ZNF473: variants seen among roughly 807,000 people sequenced by gnomAD.
The protein encoded by ZNF473 is zinc finger protein 473, also known as zinc finger protein 100 homolog.
ZNF473 carries 4 observed loss-of-function variants against 11.1 expected under a neutral mutation model. That is an observed-to-expected ratio of 0.36 (90% CI 0.18 to 0.82). ZNF473 has a LOEUF of 0.82. Among genes scored for constraint, ZNF473 ranks in the 40% least tolerant of loss-of-function variants. ZNF473 has a pLI of 0.49. For missense variants in ZNF473, 854 were observed against 1,084.0 expected (o/e 0.79, Z 2.98); for synonymous variants, 404 against 390.4 (o/e 1.03, Z -0.41).
intron 4 of ZNF473, chr19:50,042,385 A>G (rs1978824259): frequency 6.6e-6 from 1 of 152,342 alleles, no homozygotes; most frequent in African/African-American, 2.4e-5. Flanking sequence ...CGTCCCCAGC[A>G]TGAGAAGCAG....
Position 50,044,855 on chromosome 19 carries a change from GC to G in ZNF473, c.414del (p.Thr139ProfsTer14), listed in dbSNP as rs761884660. On this transcript the variant is annotated frameshift_variant, in exon 5 of 5. Coordinates refer to ENST00000270617, the MANE Select transcript of ZNF473 (RefSeq NM_015428.4). LOFTEE classifies it low-confidence loss of function (END_TRUNC). ...DPESLLRSDI[A>X]TNGESPTECK... ...AGAAAGTCTTCTGAGGTCTGATATT[GC>G]CACCAACGGGGAAAGTCCCACGGAA... 5.6e-6 allele frequency: 9 copies of G among 1,614,242 alleles called. No individual in the cohort carries two copies. The South Asian group carries it at 9.9e-5, about 18-fold the overall frequency.
rs746951293 is a variant in ZNF473, at chr19:50,046,667, A to G, written c.2224A>G (p.Ser742Gly). The change falls in exon 5 of 5, where the codon AGT becomes GGT. Residue 742 changes from serine (S) to glycine (G), a missense_variant. By Grantham distance (56) the Ser-to-Gly change is moderately conservative (BLOSUM62 0). Coordinates refer to ENST00000270617, the MANE Select transcript of ZNF473 (RefSeq NM_015428.4). The surrounding 1 kb of genome is among the most constrained non-coding windows in gnomAD (Gnocchi z 5.9). ...CDYCGKAFGL[S>G]AELVRHQRIH... ...TTACTGCGGGAAGGCCTTCGGCCTGAGTGCTGAGCTTGTCCGCCACCAGAG... is the reference window on the plus strand; with the variant it reads ...TTACTGCGGGAAGGCCTTCGGCCTGGGTGCTGAGCTTGTCCGCCACCAGAG... 1 of 1,614,236 alleles carries G rather than the reference A, an allele frequency of 6.2e-7. No homozygotes were observed. Among genetic ancestry groups the G allele is most frequent in the Non-Finnish European group, 8.5e-7 (1 of 1,180,036 alleles).
intron 2 of ZNF473, among the ~76,000 whole-genome samples, chr19:50,036,281 A>G (rs1428356477): frequency 6.7e-6 from 1 of 149,648 alleles, no homozygotes; most frequent in Non-Finnish European, 1.5e-5. Flanking sequence ...CTTGAAATTT[A>G]ATCCCTAATG....
Position 50,041,594 on chromosome 19 carries a change from G to A in ZNF473, c.137-136G>A, listed in dbSNP as rs1453857288. 8.8e-6 allele frequency: 6 copies of A among 680,994 alleles called. No individual in the cohort carries two copies. The African/African-American group carries it at 9.4e-5, about 11-fold the overall frequency. The allele number at this position is 680,994 out of a possible 1,614,324, so 42.2% of individuals were successfully genotyped here. Reference sequence around the variant, plus strand: ...ACAGGCATCCCCAGAGTCGCCCAGTGCAGCACCTCGTCCACACACAGGAGC... The same window carrying A: ...ACAGGCATCCCCAGAGTCGCCCAGTACAGCACCTCGTCCACACACAGGAGC... On this transcript the variant is annotated intron_variant, in intron 3 of 4. Transcript: ENST00000270617.
chr19:50,036,480 AT>A (rs34005330), intron 2 of ZNF473, among the ~76,000 whole-genome samples: 27,154 of 131,398 alleles, frequency 0.21, 2,624 homozygotes, highest in East Asian at 0.41. Flanking sequence ...TGCCCAGCTA[AT>A]TTTTTTTTTT....
At position 50,043,460 on chromosome 19, in the gene ZNF473, T is replaced by A. The variant is rs1281667193; in HGVS notation, c.227-1210T>A. The stretch of plus-strand genomic sequence containing the variant: ...AAAAAAAAAAAAAAATATATATATA[T>A]ATATATATATATATAGTCAGAGGGG... On this transcript the variant is annotated intron_variant, in intron 4 of 4. Coordinates refer to ENST00000270617, the MANE Select transcript of ZNF473 (RefSeq NM_015428.4). 1.0e-4 allele frequency: 15 copies of A among 143,240 alleles called. No homozygotes were observed. The East Asian group carries it at 1.4e-3, about 14-fold the overall frequency. 8.9% of individuals were successfully genotyped at this position (143,240 alleles called of 1,614,324 possible).
intron 3 of ZNF473, 114 bp from the exon 4 acceptor site, chr19:50,041,613 CAGG>C (rs1978771299): frequency 1.2e-6 from 1 of 856,292 alleles, no homozygotes. Context: ...CGTCCACACA[CAGG>C]AGCCACGTGC....
At chr19:50,043,630 G>GA (rs1978911685) in intron 4 of ZNF473, among the ~76,000 whole-genome samples, 1 of 151,918 alleles carries the variant, frequency 6.6e-6, no homozygotes, top group South Asian at 2.1e-4. Flanking sequence ...TCTGTCCTGT[G>GA]AATCTTTCTC....
Position 50,045,231 on chromosome 19 carries a change from A to G in ZNF473, c.788A>G (p.Lys263Arg), listed in dbSNP as rs753567667. The G allele has an allele frequency of 3.1e-6, 5 of 1,614,084 alleles. No homozygotes were observed. The highest frequency in any genetic ancestry group is 1.3e-5 in the African/African-American group (1 of 74,918). Reference sequence around the variant, plus strand: ...TATCCGAAAACTCACACGGGCTACAAATTCTATGTGTGTAATGAATATGGG... The same window carrying G: ...TATCCGAAAACTCACACGGGCTACAGATTCTATGTGTGTAATGAATATGGG... ...SVYPKTHTGYKFYVCNEYGTT... is the reference protein window; with the variant it reads ...SVYPKTHTGYRFYVCNEYGTT... The change falls in exon 5 of 5, where the codon AAA (lysine) becomes AGA (arginine). Residue 263 changes from lysine (K) to arginine (R), a missense_variant. Lys to Arg is a conservative substitution (Grantham distance 26). Coordinates refer to ENST00000270617, the MANE Select transcript of ZNF473 (RefSeq NM_015428.4).
chr19:50,038,892 G>A (rs1978617310), intron 2 of ZNF473, among the ~76,000 whole-genome samples: 1 of 152,206 alleles, frequency 6.6e-6, no homozygotes, highest in South Asian at 2.1e-4. Context: ...GCGTAAAATA[G>A]ATTTTTAGGA....
At chr19:50,044,578 G>A (rs1265444543) in intron 4 of ZNF473, 92 bp from the exon 5 acceptor site, 1 of 1,076,828 alleles carries the variant, frequency 9.3e-7, no homozygotes, top group Non-Finnish European at 1.4e-6. Flanking sequence ...TCCCTTGATG[G>A]ATAGGCTGGA....
In ZNF473 at chr19:50,044,675, A is replaced by G. The variant is rs1407344490; in HGVS notation, c.232A>G (p.Thr78Ala). 3.7e-6 allele frequency: 6 copies of G among 1,606,434 alleles called. No individual in the cohort carries two copies. ...GSPEATSPDV[T>A]ETKNSPLMED... ...ATTTGCACTTGCTCTTTCAGATGTG[A>G]CTGAGACCAAGAACTCTCCTCTGAT... Residue 78 changes from threonine (T) to alanine (A), a missense_variant, in exon 5 of 5, where the codon ACT becomes GCT. This residue lies in a region of ZNF473 where 668 missense variants were observed against 790.2 expected (regional missense o/e 0.85). Coordinates refer to ENST00000270617, the MANE Select transcript of ZNF473 (RefSeq NM_015428.4).
chr19:50,045,645 A>G lies in ZNF473; in HGVS notation c.1202A>G (p.Glu401Gly). 1.2e-6 allele frequency: 2 copies of G among 1,614,052 alleles called. No homozygotes were observed. Among genetic ancestry groups the G allele is most frequent in the Non-Finnish European group, 1.7e-6 (2 of 1,179,964 alleles). Residue 401 changes from glutamate (E) to glycine (G), a missense_variant, in exon 5 of 5, where the codon GAG (glutamate) becomes GGG (glycine). Transcript: ENST00000270617. ...CACCAGGCTCTTCATGCTGGAGAGG[A>G]GCCTTATAAGTGTAACGAACGTGGG... is the stretch of plus-strand genomic sequence containing the variant. ...IEHQALHAGE[E>G]PYKCNERGKS...
rs191319600 is a variant in ZNF473 at position 50,041,722 on chromosome 19, C to G, written c.137-8C>G. ...TGGTTGGGTGACAATGCTTTTCTCTCCCTGCAGACCCCCCAAGACCCAACC... is the reference window on the plus strand; with the variant it reads ...TGGTTGGGTGACAATGCTTTTCTCTGCCTGCAGACCCCCCAAGACCCAACC... On this transcript the variant is annotated splice_polypyrimidine_tract_variant and splice_region_variant and intron_variant, in intron 3 of 4. Coordinates refer to ENST00000270617, the MANE Select transcript of ZNF473 (RefSeq NM_015428.4). The G allele has an allele frequency of 3.1e-6, 5 of 1,597,204 alleles. No homozygotes were observed. Among genetic ancestry groups the G allele is most frequent in the Non-Finnish European group, 4.3e-6 (5 of 1,173,766 alleles).
chr19:50,028,547 G>A (rs1161203237), intron 1 of ZNF473, among the ~76,000 whole-genome samples: 5 of 150,978 alleles, frequency 3.3e-5, no homozygotes, highest in Admixed American at 6.6e-5. Context: ...GTCTTGTTAC[G>A]TTGCCCAGGC....
intron 1 of ZNF473, among the ~76,000 whole-genome samples, chr19:50,027,628 T>C (rs2077293399): frequency 6.6e-6 from 1 of 152,024 alleles, no homozygotes; most frequent in South Asian, 2.1e-4. Flanking sequence ...GCAGATGACA[T>C]ACAGGAAAGA....
chr19:50,041,596 A>G (rs768935607), intron 3 of ZNF473, 134 bp from the exon 4 acceptor site: 24 of 689,330 alleles, frequency 3.5e-5, no homozygotes, highest in Non-Finnish European at 5.6e-5. Flanking sequence ...CGCCCAGTGC[A>G]GCACCTCGTC....
Position 50,047,187 on chromosome 19 carries a change from T to G in ZNF473, c.*128T>G. On this transcript the variant is annotated 3_prime_UTR_variant, in exon 5 of 5. Transcript: ENST00000270617. Reference sequence around the variant, plus strand: ...AGATTGATTAGAAAGTTTGTGCGCATGTTTTTCATTATAACAATGAAAACA... The same window carrying G: ...AGATTGATTAGAAAGTTTGTGCGCAGGTTTTTCATTATAACAATGAAAACA... The G allele has an allele frequency of 3.7e-6, 3 of 803,606 alleles. No homozygotes were observed. The highest frequency in any genetic ancestry group is 5.7e-6 in the Non-Finnish European group (3 of 523,688). The allele number at this position is 803,606 out of a possible 1,614,324, so 49.8% of individuals were successfully genotyped here.
chr19:50,036,567 G>A (rs549881580), intron 2 of ZNF473, among the ~76,000 whole-genome samples: 106 of 149,034 alleles, frequency 7.1e-4, no homozygotes, highest in Middle Eastern at 3.5e-3. Context: ...CTCATGATCC[G>A]CCTGCCTTGG....
Sources: gnomAD v4.1 joint callset for allele counts (sites outside exome capture counted in the v4.1 genomes callset) on GRCh38, gnomAD v4.1.1 for gene constraint, gnomAD v4.1.1 regional missense constraint, Gnocchi (gnomAD v3.1) non-coding constraint, MANE v1.5 for transcripts, NCBI Gene and HGNC (gene_info 2026-07-23, HGNC 2026-07-21) for gene names.